RIMS2: variants seen among roughly 807,000 people sequenced by gnomAD.
RIMS2 encodes regulating synaptic membrane exocytosis protein 2.
Under a neutral mutation model 174.4 loss-of-function variants are expected in RIMS2, and 59 were observed. That is an observed-to-expected ratio of 0.34 (90% CI 0.27 to 0.42). The LOEUF (loss-of-function observed/expected upper bound fraction) is 0.42. RIMS2 is among the 10% of genes least tolerant of loss of function. The pLI, the probability that RIMS2 is intolerant of heterozygous loss-of-function variation, is 1.00. For synonymous variants in RIMS2, 606 were observed against 572.5 expected, an observed-to-expected ratio of 1.06 and a Z score of -0.84; for missense variants, 1,620 against 1,666.3, an observed-to-expected ratio of 0.97 and a Z score of 0.48.
At chr8:103,634,330 C>T (rs1038530704) in intron 1 of RIMS2, among the ~76,000 whole-genome samples, 10 of 152,030 alleles carry the variant, frequency 6.6e-5, no homozygotes, top group Non-Finnish European at 1.0e-4. Context: ...TGTATTGTTT[C>T]GAGCGACTTT....
intron 1 of RIMS2, among the ~76,000 whole-genome samples, chr8:103,646,359 A>G (rs1210668082): frequency 6.6e-6 from 1 of 152,056 alleles, no homozygotes; most frequent in Non-Finnish European, 1.5e-5. Flanking sequence ...CATATGCATC[A>G]TGAATTAACT....
chr8:103,929,677 T>TATA (rs1207194309), intron 11 of RIMS2, among the ~76,000 whole-genome samples: 1 of 151,914 alleles, frequency 6.6e-6, no homozygotes, highest in Non-Finnish European at 1.5e-5. Flanking sequence ...TGATACTATC[T>TATA]ATAACACCTC....
chr8:103,792,845 A>T (rs891037590), intron 3 of RIMS2, among the ~76,000 whole-genome samples: 4 of 152,174 alleles, frequency 2.6e-5, no homozygotes, highest in African/African-American at 7.2e-5. Flanking sequence ...AAATGGATAA[A>T]TTCCTGGACA....
chr8:104,069,232 G>A (rs1351512373), intron 19 of RIMS2, among the ~76,000 whole-genome samples: 1 of 152,098 alleles, frequency 6.6e-6, no homozygotes, highest in African/African-American at 2.4e-5. Context: ...CATGTTTGAG[G>A]TAGGCTAAGC....
At chr8:104,101,214 T>A (rs1457200925) in intron 19 of RIMS2, among the ~76,000 whole-genome samples, 2 of 150,646 alleles carry the variant, frequency 1.3e-5, no homozygotes, top group African/African-American at 4.9e-5. Context: ...GCAACTTCCG[T>A]CACCCGGGTT....
chr8:104,154,770 C>A (rs2134259687), intron 19 of RIMS2, among the ~76,000 whole-genome samples: 1 of 152,274 alleles, frequency 6.6e-6, no homozygotes, highest in South Asian at 2.1e-4. Context: ...TTTAAAGTAA[C>A]TGTTGTTATA....
intron 1 of RIMS2, among the ~76,000 whole-genome samples, chr8:103,548,926 C>T (rs1265852488): frequency 6.6e-6 from 1 of 151,968 alleles, no homozygotes; most frequent in Non-Finnish European, 1.5e-5. Context: ...AGAGTAACCA[C>T]AAAAAGAATA....
intron 1 of RIMS2, among the ~76,000 whole-genome samples, chr8:103,648,147 T>C (rs1044682108): frequency 4.6e-5 from 7 of 152,028 alleles, no homozygotes; most frequent in African/African-American, 1.7e-4. Context: ...CAAAGAACTT[T>C]CTTATTTTTC....
intron 19 of RIMS2, among the ~76,000 whole-genome samples, chr8:104,164,788 C>G (rs771531681): frequency 7.9e-5 from 12 of 152,228 alleles, no homozygotes; most frequent in Admixed American, 5.2e-4. Flanking sequence ...ACAACACACA[C>G]TGGGGTGTGT....
intron 19 of RIMS2, among the ~76,000 whole-genome samples, chr8:104,230,289 A>T (rs2099218195): frequency 6.7e-6 from 1 of 149,688 alleles, no homozygotes; most frequent in Admixed American, 6.6e-5. Context: ...CAAAAAAAAA[A>T]AAAAAATAGG....
intron 12 of RIMS2, among the ~76,000 whole-genome samples, chr8:103,934,910 G>A (rs538226522): frequency 6.6e-6 from 1 of 152,134 alleles, no homozygotes; most frequent in Admixed American, 6.5e-5. Flanking sequence ...TGTTGGCCAG[G>A]ATGATCTCGA....
At chr8:103,559,491 C>G (rs1421056563) in intron 1 of RIMS2, 1 of 286,060 alleles carries the variant, frequency 3.5e-6, no homozygotes, top group Non-Finnish European at 6.6e-6. Context: ...GTGGAGGTGG[C>G]TGCTGTGAGA....
intron 3 of RIMS2, among the ~76,000 whole-genome samples, chr8:103,813,509 C>G (rs912430560): frequency 6.6e-6 from 1 of 152,004 alleles, no homozygotes; most frequent in Non-Finnish European, 1.5e-5. Flanking sequence ...CCCATTAACT[C>G]GTCATTTACA....
intron 2 of RIMS2, among the ~76,000 whole-genome samples, chr8:103,712,006 T>C (rs956551449): frequency 1.3e-4 from 19 of 151,976 alleles, no homozygotes; most frequent in Non-Finnish European, 2.4e-4. Flanking sequence ...AATTTTTTTT[T>C]TTAGAGATGT....
chr8:103,625,754 C>G (rs6986935), intron 1 of RIMS2, among the ~76,000 whole-genome samples: 27,690 of 151,930 alleles, frequency 0.18, 2,772 homozygotes, highest in African/African-American at 0.26. Context: ...GTCTGACATA[C>G]TTATAATTTA....
At chr8:103,968,466 T>A (rs2092420691) in intron 15 of RIMS2, among the ~76,000 whole-genome samples, 1 of 152,026 alleles carries the variant, frequency 6.6e-6, no homozygotes, top group African/African-American at 2.4e-5. Flanking sequence ...TTCCTTCATA[T>A]CATATGTCTT....
chr8:103,537,954 A>C (rs751876128), intron 1 of RIMS2, among the ~76,000 whole-genome samples: 2 of 152,138 alleles, frequency 1.3e-5, no homozygotes, highest in Admixed American at 6.5e-5. Context: ...AAAAAAGATA[A>C]CTTTCTGAAT....
chr8:103,590,304 A>G (rs1376042625), intron 1 of RIMS2, among the ~76,000 whole-genome samples: 1 of 151,540 alleles, frequency 6.6e-6, no homozygotes, highest in Non-Finnish European at 1.5e-5. Flanking sequence ...CAAATTCAGT[A>G]AAGCTTCAGG....
At chr8:103,790,795 A>G (rs1054912662) in intron 3 of RIMS2, among the ~76,000 whole-genome samples, 1 of 152,202 alleles carries the variant, frequency 6.6e-6, no homozygotes, top group East Asian at 1.9e-4. Flanking sequence ...ATTAATACAT[A>G]TTTCTGTTAT....
Sources: allele counts gnomAD v4.1 joint callset (sites outside exome capture counted in the v4.1 genomes callset), GRCh38; gene constraint gnomAD v4.1.1; transcripts MANE v1.5; gene names NCBI Gene and HGNC (gene_info 2026-07-23, HGNC 2026-07-21).